SLC4A7: variants seen among roughly 807,000 people sequenced by gnomAD.
The protein encoded by SLC4A7 is solute carrier family 4 member 7, also known as sodium bicarbonate cotransporter 3.
A neutral mutation model predicts 137.6 loss-of-function variants in SLC4A7; 51 were observed. The ratio of observed to expected loss-of-function variants is 0.37; its 90% confidence interval spans 0.30 to 0.47. The LOEUF is 0.47. SLC4A7 is among the 20% of genes least tolerant of loss of function. SLC4A7 has a pLI of 1.00. For missense variants in SLC4A7, 1,247 were observed against 1,525.4 expected (o/e 0.82, Z 3.04); for synonymous variants, 542 against 518.6 (o/e 1.05, Z -0.61).
rs773635144 is a variant in SLC4A7, at chr3:27,394,521, T to C, written c.3114A>G (p.Leu1038=). ...MGLSVFMTSV[L]KFIPMPVLYG... ...CACGGCAATAAAGAAATTTTACCTTTAGGACTGAAGTCATGAACACAGAGA... is the reference window on the plus strand; with the variant it reads ...CACGGCAATAAAGAAATTTTACCTTCAGGACTGAAGTCATGAACACAGAGA... Residue 1038 remains leucine (L), a synonymous_variant, in exon 20 of 26, where the codon CTA becomes CTG. Transcript: ENST00000454389. 1.9e-6 allele frequency: 3 copies of C among 1,612,766 alleles called. No homozygotes were observed. The highest frequency in any genetic ancestry group is 2.5e-6 in the Non-Finnish European group (3 of 1,179,308).
chr3:27,392,864 A>T (rs2150092554), intron 20 of SLC4A7, among the ~76,000 whole-genome samples: 1 of 152,216 alleles, frequency 6.6e-6, no homozygotes, highest in East Asian at 1.9e-4. Context: ...AAAAAGAAAT[A>T]AGAATGGGAA....
chr3:27,445,134 T>C (rs564004229), intron 3 of SLC4A7, among the ~76,000 whole-genome samples: 1 of 152,328 alleles, frequency 6.6e-6, no homozygotes, highest in Admixed American at 6.5e-5. Flanking sequence ...TGTGTGAAAG[T>C]ACAGAAAGTG....
chr3:27,457,156 A>C (rs761380602), intron 1 of SLC4A7, among the ~76,000 whole-genome samples: 3 of 152,140 alleles, frequency 2.0e-5, no homozygotes, highest in Non-Finnish European at 4.4e-5. Context: ...ATTCTTAAAA[A>C]TTCCTGAAGA....
intron 24 of SLC4A7, among the ~76,000 whole-genome samples, chr3:27,381,479 T>C (rs2050409992): frequency 6.6e-6 from 1 of 152,214 alleles, no homozygotes; most frequent in South Asian, 2.1e-4. Flanking sequence ...TAAATATCCA[T>C]ATTAAATGCC....
chr3:27,403,432 A>G, intron 14 of SLC4A7, 48 bp from the exon 15 acceptor site: 1 of 1,362,898 alleles, frequency 7.3e-7, no homozygotes, highest in Non-Finnish European at 1.0e-6. Context: ...GTGGAATAGT[A>G]TTTGTACCTA....
At chr3:27,409,628 T>A in intron 12 of SLC4A7, 98 bp from the exon 13 acceptor site, 1 of 832,544 alleles carries the variant, frequency 1.2e-6, no homozygotes, top group Non-Finnish European at 1.9e-6. Flanking sequence ...GGTGCCTAGG[T>A]GTTTTGTCAA....
intron 1 of SLC4A7, among the ~76,000 whole-genome samples, chr3:27,463,828 T>A (rs1481948184): frequency 6.6e-6 from 1 of 152,184 alleles, no homozygotes; most frequent in Non-Finnish European, 1.5e-5. Context: ...CACTTTGCTG[T>A]GTTGTTCTTT....
chr3:27,426,930 T>C (rs1301912707), intron 7 of SLC4A7, among the ~76,000 whole-genome samples: 1 of 152,212 alleles, frequency 6.6e-6, no homozygotes, highest in Non-Finnish European at 1.5e-5. Flanking sequence ...AAGGACTATA[T>C]TACTTTGCTT....
chr3:27,448,766 G>A lies in SLC4A7; in HGVS notation c.174C>T (p.Val58=), dbSNP rs762373957. ...GCCGACGACTCTCTTTACTAAACGGGACGTGAACACCAATATATACAGCTC... is the reference window on the plus strand; with the variant it reads ...GCCGACGACTCTCTTTACTAAACGGAACGTGAACACCAATATATACAGCTC... ...SHRAVYIGVH[V]PFSKESRRRH... Residue 58 remains valine, a synonymous_variant, in exon 3 of 26, where the codon GTC becomes GTT. Coordinates refer to ENST00000454389, the MANE Select transcript of SLC4A7 (RefSeq NM_001321103.2). 1.2e-6 allele frequency: 2 copies of A among 1,613,074 alleles called. No individual in the cohort carries two copies. Among genetic ancestry groups the A allele is most frequent in the Admixed American group, 1.7e-5 (1 of 59,916 alleles).
rs747131971 is a variant in SLC4A7, at chr3:27,466,702, C to G, written c.61-14204G>C. Among the ~76,000 whole-genome samples the G allele has an allele frequency of 5.3e-5, 8 of 151,776 alleles. No homozygotes were observed. In the Middle Eastern group the frequency reaches 0.01, roughly 194 times the overall value. On this transcript the variant is annotated intron_variant, in intron 1 of 25. Coordinates refer to ENST00000454389, the MANE Select transcript of SLC4A7 (RefSeq NM_001321103.2). Reference sequence around the variant, plus strand: ...AAATTAGCCATCTCTATAAAAAATACCAAAATTAGCCCCGCGTGCTGGTGC... The same window carrying G: ...AAATTAGCCATCTCTATAAAAAATAGCAAAATTAGCCCCGCGTGCTGGTGC...
intron 11 of SLC4A7, among the ~76,000 whole-genome samples, chr3:27,416,014 T>C (rs2150253627): frequency 6.6e-6 from 1 of 152,248 alleles, no homozygotes; most frequent in East Asian, 1.9e-4. Flanking sequence ...CAACTTCATC[T>C]TACATTTGTA....
chr3:27,383,896 T>A (rs2150033214), intron 23 of SLC4A7, among the ~76,000 whole-genome samples: 1 of 152,316 alleles, frequency 6.6e-6, no homozygotes, highest in Admixed American at 6.5e-5. Context: ...CTTCCTATAC[T>A]CTTTTTAAAA....
intron 22 of SLC4A7, among the ~76,000 whole-genome samples, chr3:27,388,427 T>G (rs1021271345): frequency 6.6e-6 from 1 of 152,212 alleles, no homozygotes; most frequent in African/African-American, 2.4e-5. Context: ...AAGAGGGTAC[T>G]GTAATTATCT....
At chr3:27,445,763 CAAAA>C (rs71087607) in intron 3 of SLC4A7, among the ~76,000 whole-genome samples, 2 of 99,638 alleles carry the variant, frequency 2.0e-5, no homozygotes, top group Non-Finnish European at 3.8e-5. Context: ...ACTAAAAATA[CAAAA>C]AAAAAAAAAA....
intron 18 of SLC4A7, among the ~76,000 whole-genome samples, chr3:27,396,045 T>C (rs1200760163): frequency 6.6e-6 from 1 of 151,994 alleles, no homozygotes; most frequent in Non-Finnish European, 1.5e-5. Flanking sequence ...ATCAAGAGAG[T>C]TTAGTATGTT....
chr3:27,413,306 G>A (rs530343802), intron 11 of SLC4A7, among the ~76,000 whole-genome samples: 1 of 152,182 alleles, frequency 6.6e-6, no homozygotes, highest in Admixed American at 6.5e-5. Flanking sequence ...CATGACAAAA[G>A]ATTCAAGCTC....
intron 11 of SLC4A7, 30 bp from the exon 12 acceptor site, chr3:27,411,778 A>C (rs1462975485): frequency 1.5e-6 from 2 of 1,310,834 alleles, no homozygotes; most frequent in East Asian, 5.2e-5. Flanking sequence ...TTATTTTCAG[A>C]ATTCTATTTT....
chr3:27,414,456 G>A (rs1291952255), intron 11 of SLC4A7, among the ~76,000 whole-genome samples: 2 of 152,006 alleles, frequency 1.3e-5, no homozygotes, highest in African/African-American at 4.8e-5. Flanking sequence ...GCATGTTAGA[G>A]GTGTTATATC....
chr3:27,408,450 C>T lies in SLC4A7; in HGVS notation c.1941+906G>A, dbSNP rs1453444303. The stretch of plus-strand genomic sequence containing the variant: ...TAAGGTAAAAAGATTTTACATAATC[C>T]AAAATAAATTCAGAGTTGAAAGAAA... On this transcript the variant is annotated intron_variant, in intron 13 of 25. Coordinates refer to ENST00000454389, the MANE Select transcript of SLC4A7 (RefSeq NM_001321103.2). Among the ~76,000 whole-genome samples, 3 of 152,170 alleles carry T rather than the reference C, an allele frequency of 2.0e-5. No individual in the cohort carries two copies. The East Asian group carries it at 5.8e-4, about 29-fold the overall frequency.
Sources: gnomAD v4.1 joint callset for allele counts (sites outside exome capture counted in the v4.1 genomes callset) on GRCh38, gnomAD v4.1.1 for gene constraint, MANE v1.5 for transcripts, NCBI Gene and HGNC (gene_info 2026-07-23, HGNC 2026-07-21) for gene names.